Variants in HTR4 observed in about 807,000 individuals in gnomAD.
HTR4 encodes the protein 5-hydroxytryptamine receptor 4.
HTR4 carries 16 observed loss-of-function variants against 36.8 expected under a neutral mutation model. The observed-to-expected ratio is 0.43, with a 90% CI of 0.29 to 0.66. The LOEUF (loss-of-function observed/expected upper bound fraction) is 0.66. Among genes scored for constraint, HTR4 ranks in the 30% least tolerant of loss-of-function variants. The pLI is 0.13. For missense variants in HTR4, 438 were observed against 490.9 expected, an observed-to-expected ratio of 0.89 and a Z score of 1.02; for synonymous variants, 189 against 185.1, an observed-to-expected ratio of 1.02 and a Z score of -0.17.
chr5:148,467,411 CTGAACTTT>C (rs1755455739), intron 5 of HTR4, among the ~76,000 whole-genome samples: 1 of 152,002 alleles, frequency 6.6e-6, no homozygotes, highest in Admixed American at 6.6e-5. Flanking sequence ...AGTTAAATGA[CTGAACTTT>C]TGAGTGTGCA....
intron 2 of HTR4, among the ~76,000 whole-genome samples, chr5:148,602,697 C>T (rs916944730): frequency 2.6e-5 from 4 of 151,948 alleles, no homozygotes; most frequent in African/African-American, 9.7e-5. Context: ...TAAGCAATGC[C>T]AATACTTGAT....
At chr5:148,524,643 A>G (rs1758177027) in intron 4 of HTR4, among the ~76,000 whole-genome samples, 1 of 152,148 alleles carries the variant, frequency 6.6e-6, no homozygotes, top group South Asian at 2.1e-4. Flanking sequence ...GCTACAGTAG[A>G]TCTATCATTC....
chr5:148,561,625 A>ATT (rs60330024), intron 2 of HTR4, among the ~76,000 whole-genome samples: 2 of 144,370 alleles, frequency 1.4e-5, no homozygotes, highest in Admixed American at 7.0e-5. Flanking sequence ...TGTTGAAAAC[A>ATT]TTTTTTTTTT....
intron 1 of HTR4, among the ~76,000 whole-genome samples, chr5:148,639,789 T>C (rs1314325943): frequency 6.6e-6 from 1 of 151,988 alleles, no homozygotes; most frequent in Non-Finnish European, 1.5e-5. Flanking sequence ...TAGATATTTA[T>C]TGAGTCAACT....
chr5:148,519,744 C>A (rs1162186078), intron 5 of HTR4, among the ~76,000 whole-genome samples: 3 of 152,120 alleles, frequency 2.0e-5, no homozygotes, highest in Non-Finnish European at 4.4e-5. Context: ...AATGCTCTAT[C>A]ATCTTGTTTC....
At chr5:148,617,198 G>T (rs1364752167) in intron 2 of HTR4, among the ~76,000 whole-genome samples, 2 of 152,160 alleles carry the variant, frequency 1.3e-5, no homozygotes, top group African/African-American at 4.8e-5. Flanking sequence ...TTTCTCACGA[G>T]ATCTGGTTGT....
At chr5:148,615,607 C>T (rs899202500) in intron 2 of HTR4, among the ~76,000 whole-genome samples, 1 of 150,264 alleles carries the variant, frequency 6.7e-6, no homozygotes, top group Non-Finnish European at 1.5e-5. Flanking sequence ...GTGTAGCACA[C>T]CAGCATGGCA....
intron 6 of HTR4, among the ~76,000 whole-genome samples, chr5:148,486,865 G>A (rs1756183229): frequency 6.6e-6 from 1 of 152,168 alleles, no homozygotes; most frequent in Admixed American, 6.5e-5. Flanking sequence ...TATTTGGGTA[G>A]GATAGGATAG....
chr5:148,503,467 A>G (rs11742187), intron 6 of HTR4, among the ~76,000 whole-genome samples: 1 of 152,134 alleles, frequency 6.6e-6, no homozygotes, highest in Non-Finnish European at 1.5e-5. Context: ...CCACCAGGCC[A>G]GCCCTAAAAG....
intron 6 of HTR4, among the ~76,000 whole-genome samples, chr5:148,504,186 T>C (rs534263558): frequency 6.6e-6 from 1 of 152,290 alleles, no homozygotes; most frequent in South Asian, 2.1e-4. Context: ...ATCAACAGAA[T>C]ATACATTCGT....
Position 148,654,304 on chromosome 5 carries a change from G to C in HTR4, c.-290C>G, listed in dbSNP as rs893944542. 1 of 984,668 alleles carries C rather than the reference G, an allele frequency of 1.0e-6. No homozygotes were observed. Among genetic ancestry groups the C allele is most frequent in the African/African-American group, 1.7e-5 (1 of 57,216 alleles). 61.0% of individuals were successfully genotyped at this position (984,668 alleles called of 1,614,324 possible). ...GGATCACCTGGGCTCGCCGCGCATC[G>C]TCCTTCTCCCCAACCGAGCCGGACT... On this transcript the variant is annotated 5_prime_UTR_variant, in exon 1 of 7. Transcript: ENST00000377888.
At chr5:148,593,407 T>C (rs1368579188) in intron 2 of HTR4, among the ~76,000 whole-genome samples, 2 of 152,172 alleles carry the variant, frequency 1.3e-5, no homozygotes, top group Non-Finnish European at 2.9e-5. Context: ...AAGCTACTCT[T>C]TCTCTGATTT....
chr5:148,610,962 A>G (rs911303642), intron 2 of HTR4, among the ~76,000 whole-genome samples: 153 of 151,224 alleles, frequency 1.0e-3, no homozygotes, highest in African/African-American at 3.6e-3. Context: ...TGAAGCAAGA[A>G]GGAAAGTTTA....
intron 5 of HTR4, among the ~76,000 whole-genome samples, chr5:148,511,523 C>T (rs1056471457): frequency 6.6e-6 from 1 of 151,648 alleles, no homozygotes; most frequent in African/African-American, 2.4e-5. Flanking sequence ...TAGGAATAAA[C>T]TACAATATTA....
At chr5:148,642,691 A>G (rs978756059) in intron 1 of HTR4, among the ~76,000 whole-genome samples, 1 of 152,196 alleles carries the variant, frequency 6.6e-6, no homozygotes, top group Non-Finnish European at 1.5e-5. Flanking sequence ...TATGAAAAAA[A>G]TTATCGAATC....
At chr5:148,534,852 G>T (rs563805665) in intron 4 of HTR4, among the ~76,000 whole-genome samples, 34 of 152,102 alleles carry the variant, frequency 2.2e-4, no homozygotes, top group African/African-American at 6.7e-4. Flanking sequence ...CACTACTAAG[G>T]TCCCTTCCTC....
intron 6 of HTR4, among the ~76,000 whole-genome samples, chr5:148,506,851 A>G (rs1188558334): frequency 1.3e-5 from 2 of 152,098 alleles, no homozygotes; most frequent in African/African-American, 4.8e-5. Context: ...TTAGAATGGC[A>G]ATCATTAAAA....
intron 1 of HTR4, among the ~76,000 whole-genome samples, chr5:148,653,382 T>C (rs1001271629): frequency 1.3e-5 from 2 of 152,194 alleles, no homozygotes; most frequent in Admixed American, 1.3e-4. Context: ...CATCCACTTC[T>C]TTCAAAGACA....
At chr5:148,507,204 A>T (rs772365080) in intron 6 of HTR4, among the ~76,000 whole-genome samples, 12 of 151,570 alleles carry the variant, frequency 7.9e-5, no homozygotes, top group Non-Finnish European at 1.5e-4. Flanking sequence ...ATAAAAAAGG[A>T]TGAGTTCACG....
Sources: allele counts gnomAD v4.1 joint callset (sites outside exome capture counted in the v4.1 genomes callset), GRCh38; gene constraint gnomAD v4.1.1; transcripts MANE v1.5; gene names NCBI Gene and HGNC (gene_info 2026-07-23, HGNC 2026-07-21).